The following TMEM138 variants were observed in gnomAD, a reference collection of about 807,000 sequenced individuals.
TMEM138 encodes the protein transmembrane protein 138.
Under a neutral mutation model 18.1 loss-of-function variants are expected in TMEM138, and 9 were observed. The observed-to-expected ratio is 0.50, with a 90% CI of 0.30 to 0.87. The LOEUF (loss-of-function observed/expected upper bound fraction) is 0.87. Ranked by LOEUF, TMEM138 falls within the 40% of genes least tolerant of loss-of-function variation. The pLI is 0.06. For missense variants in TMEM138, 189 were observed against 190.6 expected, an observed-to-expected ratio of 0.99 and a Z score of 0.05; for synonymous variants, 79 against 74.8, an observed-to-expected ratio of 1.06 and a Z score of -0.29.
intron 4 of TMEM138, chr11:61,368,349 C>T (rs558848409): frequency 2.0e-4 from 103 of 506,258 alleles, no homozygotes; most frequent in Middle Eastern, 5.6e-4. Flanking sequence ...CCTCAGCCTC[C>T]GGAGTAGCTG....
chr11:61,366,277 C>T, intron 3 of TMEM138, 61 bp downstream of exon 3: 1 of 1,548,186 alleles, frequency 6.5e-7, no homozygotes, highest in Non-Finnish European at 8.7e-7. Flanking sequence ...TGGGGTCTTA[C>T]TTTGTTACCA....
intron 4 of TMEM138, chr11:61,368,265 C>T (rs1858224728): frequency 1.7e-6 from 1 of 576,886 alleles, no homozygotes; most frequent in South Asian, 1.8e-5. Flanking sequence ...TGCTCTGTCG[C>T]CCAGGCTGGA....
chr11:61,376,238 A>G (rs1251154233), downstream of TMEM138, among the ~76,000 whole-genome samples: 1 of 152,038 alleles, frequency 6.6e-6, no homozygotes, highest in Non-Finnish European at 1.5e-5. Context: ...AATTCCAGCT[A>G]CTCAGGAGGC....
downstream of TMEM138, among the ~76,000 whole-genome samples, chr11:61,376,503 A>G (rs190766730): frequency 6.6e-6 from 1 of 152,354 alleles, no homozygotes; most frequent in East Asian, 1.9e-4. Flanking sequence ...CAAGTCTTCA[A>G]AATAATGTTT....
chr11:61,362,454 C>G (rs1282135224), intron 1 of TMEM138, 34 bp downstream of exon 1: 1 of 152,246 alleles, frequency 6.6e-6, no homozygotes, highest in Non-Finnish European at 1.5e-5. Flanking sequence ...GGTTAAGTGA[C>G]CAGAAGTCAG....
rs1858262081 is a variant in TMEM138, at chr11:61,368,955, C to G, written c.*246C>G. 2.1e-6 allele frequency: 1 copy of G among 486,356 alleles called. No homozygotes were observed. Among genetic ancestry groups the G allele is most frequent in the Non-Finnish European group, 3.8e-6 (1 of 266,028 alleles). 30.1% of individuals were successfully genotyped at this position (486,356 alleles called of 1,614,324 possible). The stretch of plus-strand genomic sequence containing the variant: ...TTCCACCCCCTTTCCTTCCTTTCCT[C>G]TCTGTACCATTCATTCTCCCTGACC... On this transcript the variant is annotated 3_prime_UTR_variant, in exon 5 of 5. Transcript: ENST00000278826.
chr11:61,368,223 G>T lies in TMEM138; in HGVS notation c.376+225G>T, dbSNP rs971919694. ...TAGGTTCTGTTCTTTTTGTTTGTTT[G>T]TTTGTTTGTTTGTTTGTTTTTGAGA... On this transcript the variant is annotated intron_variant, in intron 4 of 4. Coordinates refer to ENST00000278826, the MANE Select transcript of TMEM138 (RefSeq NM_016464.5). The T allele has an allele frequency of 6.2e-6, 4 of 641,420 alleles. No individual in the cohort carries two copies. In the East Asian group the frequency reaches 8.9e-5, roughly 14 times the overall value. 39.7% of individuals were successfully genotyped at this position (641,420 alleles called of 1,614,324 possible).
intron 1 of TMEM138, chr11:61,363,586 C>T (rs1590622710): frequency 6.6e-6 from 1 of 152,336 alleles, no homozygotes; most frequent in East Asian, 1.9e-4. Flanking sequence ...CACTGTGTTG[C>T]AACCATAACC....
At chr11:61,371,125 C>T (rs1306654406), downstream of TMEM138, among the ~76,000 whole-genome samples, 1 of 152,228 alleles carries the variant, frequency 6.6e-6, no homozygotes, top group Non-Finnish European at 1.5e-5. Flanking sequence ...ACTTCCGCCT[C>T]CTGGGTTCAA....
chr11:61,363,875 A>G (rs1172996580), intron 1 of TMEM138: 1 of 152,310 alleles, frequency 6.6e-6, no homozygotes, highest in African/African-American at 2.4e-5. Flanking sequence ...GAAGGTAATA[A>G]TGTATTATGT....
chr11:61,366,773 A>G (rs570337346), intron 3 of TMEM138: 1 of 152,386 alleles, frequency 6.6e-6, no homozygotes, highest in African/African-American at 2.4e-5. Context: ...CCACTGGGAT[A>G]TCTTTTCTCT....
chr11:61,373,511 T>A (rs1476334425), downstream of TMEM138, among the ~76,000 whole-genome samples: 3 of 143,912 alleles, frequency 2.1e-5, no homozygotes, highest in Non-Finnish European at 4.6e-5. Flanking sequence ...GGTTTTTACC[T>A]TTTTTTTTTT....
In TMEM138 at chr11:61,368,985, T is replaced by G; in HGVS notation, c.*276T>G. 1 of 384,534 alleles carries G rather than the reference T, an allele frequency of 2.6e-6. No homozygotes were observed. Among genetic ancestry groups the G allele is most frequent in the East Asian group, 5.1e-5 (1 of 19,748 alleles). 23.8% of individuals were successfully genotyped at this position (384,534 alleles called of 1,614,324 possible). A position where few individuals can be genotyped will look rare whatever the true frequency, so the allele number is the denominator to read the frequency against. On this transcript the variant is annotated 3_prime_UTR_variant, in exon 5 of 5. Transcript: ENST00000278826. ...TACCATTCATTCTCCCTGACCGGCC[T>G]TTCTTGCCGAGGGTTCTGTGGCTCT...
intron 4 of TMEM138, 188 bp downstream of exon 4, chr11:61,368,186 G>T (rs1401518441): frequency 1.4e-6 from 1 of 710,378 alleles, no homozygotes. Flanking sequence ...AGGCAGGGCT[G>T]CCCAGCCTCA....
chr11:61,367,955 A>G lies in TMEM138; in HGVS notation c.333A>G (p.Ile111Met), dbSNP rs866950895. ...NLRWKNSNSFIWTDGLQMLFV... is the reference protein window; with the variant it reads ...NLRWKNSNSFMWTDGLQMLFV... ...GCTGGAAAAACTCCAACAGCTTCAT[A>G]TGGACAGATGGACTTCAAATGCTGT... Residue 111 changes from isoleucine (I) to methionine (M), a missense_variant, in exon 4 of 5, where the codon ATA (isoleucine) becomes ATG (methionine). Ile to Met is a conservative substitution (Grantham distance 10). Transcript: ENST00000278826. 1.9e-6 allele frequency: 3 copies of G among 1,613,588 alleles called. No individual in the cohort carries two copies. Among genetic ancestry groups the G allele is most frequent in the African/African-American group, 2.7e-5 (2 of 74,930 alleles).
downstream of TMEM138, among the ~76,000 whole-genome samples, chr11:61,372,483 C>CA (rs555340626): frequency 0.013 from 1,129 of 84,582 alleles, 8 homozygotes; most frequent in Non-Finnish European, 0.023. Flanking sequence ...CATTCTTTCT[C>CA]AAAAAAAAAA....
chr11:61,364,380 A>G lies in TMEM138; in HGVS notation c.-11A>G. The G allele has an allele frequency of 4.3e-6, 7 of 1,613,830 alleles. No homozygotes were observed. Among genetic ancestry groups the G allele is most frequent in the Non-Finnish European group, 5.9e-6 (7 of 1,179,806 alleles). ...GATGTGCCCTTGGGGGCCCGAGAAA[A>G]CAGAAGGAAGATGCTCCAGACCAGT... On this transcript the variant is annotated 5_prime_UTR_variant, in exon 2 of 5. Coordinates refer to ENST00000278826, the MANE Select transcript of TMEM138 (RefSeq NM_016464.5).
downstream of TMEM138, among the ~76,000 whole-genome samples, chr11:61,374,986 A>G (rs1858417164): frequency 6.6e-6 from 1 of 152,126 alleles, no homozygotes; most frequent in Non-Finnish European, 1.5e-5. Flanking sequence ...ACAAACTCTA[A>G]TAGGTGCCCC....
intron 4 of TMEM138, 134 bp downstream of exon 4, chr11:61,368,132 G>T: frequency 1.3e-6 from 1 of 768,424 alleles, no homozygotes; most frequent in Non-Finnish European, 2.4e-6. Flanking sequence ...GGAACAGGAG[G>T]GATTACTGCC....
Sources: allele counts gnomAD v4.1 joint callset (sites outside exome capture counted in the v4.1 genomes callset), GRCh38; gene constraint gnomAD v4.1.1; transcripts MANE v1.5; gene names NCBI Gene and HGNC (gene_info 2026-07-23, HGNC 2026-07-21).